The following ADGRD1 variants were observed in gnomAD, a reference collection of about 807,000 sequenced individuals.
ADGRD1 encodes G-protein coupled receptor 133.
Under a neutral mutation model 113.4 loss-of-function variants are expected in ADGRD1, and 77 were observed. That is an observed-to-expected ratio of 0.68 (90% CI 0.57 to 0.82). ADGRD1 has a LOEUF of 0.82. Among genes scored for constraint, ADGRD1 ranks in the 40% least tolerant of loss-of-function variants. ADGRD1 has a pLI of 0.00. For missense variants in ADGRD1, 1,036 were observed against 1,139.1 expected, an observed-to-expected ratio of 0.91 and a Z score of 1.30; for synonymous variants, 474 against 475.0, an observed-to-expected ratio of 1.00 and a Z score of 0.03.
Position 130,987,212 on chromosome 12 carries a change from A to G in ADGRD1, c.608A>G (p.Glu203Gly). 6.2e-7 allele frequency: 1 copy of G among 1,614,196 alleles called. No homozygotes were observed. Among genetic ancestry groups the G allele is most frequent in the Non-Finnish European group, 8.5e-7 (1 of 1,180,002 alleles). Residue 203 changes from glutamate to glycine, a missense_variant, in exon 6 of 25, where the codon GAG becomes GGG. By Grantham distance (98) the Glu-to-Gly change is moderately conservative (BLOSUM62 -2). Transcript: ENST00000261654. ...GGAAAAGTGTCTCGTGACTATGGAG[A>G]GTCCAACGTCAACCTCGTGATAGGG... Reference protein sequence around the residue: ...PSGKVSRDYGESNVNLVIGSE... With the variant: ...PSGKVSRDYGGSNVNLVIGSE...
intron 18 of ADGRD1, among the ~76,000 whole-genome samples, chr12:131,114,046 G>A (rs2137377690): frequency 6.6e-6 from 1 of 152,300 alleles, no homozygotes; most frequent in Non-Finnish European, 1.5e-5. Context: ...AAAGACAGCT[G>A]GGTGAACGAA....
At chr12:131,051,827 G>A (rs1487923179) in intron 13 of ADGRD1, among the ~76,000 whole-genome samples, 2 of 152,190 alleles carry the variant, frequency 1.3e-5, no homozygotes, top group Admixed American at 1.3e-4. Context: ...TTCTCTACCA[G>A]TAGGCAATTA....
At chr12:131,093,711 A>G (rs1887067551) in intron 15 of ADGRD1, among the ~76,000 whole-genome samples, 1 of 152,094 alleles carries the variant, frequency 6.6e-6, no homozygotes, top group Non-Finnish European at 1.5e-5. Context: ...TGTTAGCCAG[A>G]CCACCTCCCA....
intron 13 of ADGRD1, among the ~76,000 whole-genome samples, chr12:131,020,556 G>A (rs183473850): frequency 6.6e-6 from 1 of 152,386 alleles, no homozygotes; most frequent in African/African-American, 2.4e-5. Context: ...TCTGTAAGCT[G>A]AGTGCTCTGA....
intron 13 of ADGRD1, among the ~76,000 whole-genome samples, chr12:131,065,421 C>T (rs12831988): frequency 0.091 from 13,815 of 152,314 alleles, 847 homozygotes; most frequent in Non-Finnish European, 0.13. Flanking sequence ...CTGCTGGAGC[C>T]GCTGACCAAG....
At chr12:131,114,726 A>C (rs1950423199) in intron 18 of ADGRD1, among the ~76,000 whole-genome samples, 1 of 147,794 alleles carries the variant, frequency 6.8e-6, no homozygotes, top group Admixed American at 6.7e-5. Flanking sequence ...TTGGAAACTG[A>C]GGTGGGGTGG....
rs892649400 is a variant in ADGRD1, at chr12:131,141,166, A to G, written c.*1903A>G. ...ACAAATCAAGTAAGGAACTATCTTTAGTTTAGATGGAATTATTTGTTTTTA... is the reference window on the plus strand; with the variant it reads ...ACAAATCAAGTAAGGAACTATCTTTGGTTTAGATGGAATTATTTGTTTTTA... On this transcript the variant is annotated 3_prime_UTR_variant, in exon 25 of 25. Coordinates refer to ENST00000261654, the MANE Select transcript of ADGRD1 (RefSeq NM_198827.5). 1 of 152,244 alleles carries G rather than the reference A, an allele frequency of 6.6e-6. No individual in the cohort carries two copies. Among genetic ancestry groups the G allele is most frequent in the Non-Finnish European group, 1.5e-5 (1 of 68,036 alleles). The allele number at this position is 152,244 out of a possible 1,614,324, so 9.4% of individuals were successfully genotyped here. A position where few individuals can be genotyped will look rare whatever the true frequency, so the allele number is the denominator to read the frequency against.
chr12:131,070,908 G>T (rs749875364), intron 13 of ADGRD1: 1 of 519,064 alleles, frequency 1.9e-6, no homozygotes, highest in South Asian at 1.4e-5. Flanking sequence ...TGCCATCCAG[G>T]ATGGTGGAGA....
chr12:131,043,133 T>C (rs1882312492), intron 13 of ADGRD1, among the ~76,000 whole-genome samples: 1 of 152,146 alleles, frequency 6.6e-6, no homozygotes, highest in Non-Finnish European at 1.5e-5. Flanking sequence ...AGGGTGGGGT[T>C]GGGAGCGAGA....
intron 15 of ADGRD1, among the ~76,000 whole-genome samples, chr12:131,087,271 T>C (rs1203215376): frequency 6.6e-6 from 1 of 152,180 alleles, no homozygotes; most frequent in Non-Finnish European, 1.5e-5. Context: ...CTCTGAGACA[T>C]ATCTTAAGTG....
chr12:131,000,642 G>T (rs555140194), intron 9 of ADGRD1, among the ~76,000 whole-genome samples, 200 bp downstream of exon 9: 2 of 151,770 alleles, frequency 1.3e-5, no homozygotes, highest in South Asian at 2.1e-4. Context: ...TCAGGAGGCT[G>T]AGGCAGGAGA....
At chr12:131,122,850 C>T (rs1364259001) in intron 20 of ADGRD1, among the ~76,000 whole-genome samples, 1 of 152,094 alleles carries the variant, frequency 6.6e-6, no homozygotes, top group Non-Finnish European at 1.5e-5. Flanking sequence ...ACCCACACGG[C>T]GTGGGGCCGA....
At chr12:130,973,519 G>A (rs140628612) in intron 4 of ADGRD1, among the ~76,000 whole-genome samples, 4 of 152,214 alleles carry the variant, frequency 2.6e-5, no homozygotes, top group African/African-American at 9.6e-5. Flanking sequence ...CACTTTGCCT[G>A]CTTGGAGGGT....
At chr12:131,082,874 A>C (rs996766772) in intron 14 of ADGRD1, among the ~76,000 whole-genome samples, 3 of 152,210 alleles carry the variant, frequency 2.0e-5, no homozygotes, top group Non-Finnish European at 4.4e-5. Flanking sequence ...ATCATTAATC[A>C]TGAAAATCAC....
intron 14 of ADGRD1, among the ~76,000 whole-genome samples, chr12:131,077,661 C>A (rs1885741149): frequency 1.3e-5 from 2 of 152,292 alleles, no homozygotes; most frequent in Non-Finnish European, 2.9e-5. Flanking sequence ...GCTGTGGCCC[C>A]TGGGGCTTGT....
chr12:131,138,920 G>A (rs1173068416), intron 24 of ADGRD1, among the ~76,000 whole-genome samples: 1 of 152,190 alleles, frequency 6.6e-6, no homozygotes, highest in African/African-American at 2.4e-5. Flanking sequence ...GAGGGAGTGA[G>A]CGCTCAGCAC....
At chr12:130,979,860 C>T (rs978630692) in intron 4 of ADGRD1, among the ~76,000 whole-genome samples, 1 of 150,088 alleles carries the variant, frequency 6.7e-6, no homozygotes, top group East Asian at 2.0e-4. Flanking sequence ...CACACACACA[C>T]ACTGGAGTTT....
chr12:131,104,877 G>A lies in ADGRD1; in HGVS notation c.1718G>A (p.Gly573Asp). 1 of 1,551,154 alleles carries A rather than the reference G, an allele frequency of 6.4e-7. No individual in the cohort carries two copies. Among genetic ancestry groups the A allele is most frequent in the Non-Finnish European group, 8.7e-7 (1 of 1,147,250 alleles). The change falls in exon 16 of 25, where the codon GGC becomes GAC. Residue 573 changes from glycine to aspartate, a missense_variant. Coordinates refer to ENST00000261654, the MANE Select transcript of ADGRD1 (RefSeq NM_198827.5). ...GCGCTGTCGTCTATCAGCTATGTGG[G>A]CTGCTCCCTCTCCGTGCTCTGCCTG... ...QVALSSISYVGCSLSVLCLVA... is the reference protein window; with the variant it reads ...QVALSSISYVDCSLSVLCLVA...
chr12:130,984,740 TTTTC>T lies in ADGRD1; in HGVS notation c.491-2347_491-2344del, dbSNP rs1289079451. Reference sequence around the variant, plus strand: ...TCGCCCATTTTAAAAATTGGATTGTTTTTCTTTCTTTTTTCCTTCCTCCCTTTCT... The same window carrying T: ...TCGCCCATTTTAAAAATTGGATTGTTTTTCTTTTTTCCTTCCTCCCTTTCT... On this transcript the variant is annotated intron_variant, in intron 5 of 24. Coordinates refer to ENST00000261654, the MANE Select transcript of ADGRD1 (RefSeq NM_198827.5). The surrounding 1 kb of genome is among the most constrained non-coding windows in gnomAD (Gnocchi z 4.1). Among the ~76,000 whole-genome samples, 2 of 151,592 alleles carry T rather than the reference TTTTC, an allele frequency of 1.3e-5. No homozygotes were observed. Among genetic ancestry groups the T allele is most frequent in the East Asian group, 3.9e-4 (2 of 5,152 alleles).
Sources: allele counts gnomAD v4.1 joint callset (sites outside exome capture counted in the v4.1 genomes callset), GRCh38; gene constraint gnomAD v4.1.1; non-coding constraint Gnocchi (gnomAD v3.1); transcripts MANE v1.5; gene names NCBI Gene and HGNC (gene_info 2026-07-23, HGNC 2026-07-21).